PPP2R5C: variants seen among roughly 807,000 people sequenced by gnomAD.
The protein encoded by PPP2R5C is serine/threonine-protein phosphatase 2A 56 kDa regulatory subunit gamma isoform.
Under a neutral mutation model 68.9 loss-of-function variants are expected in PPP2R5C, and 7 were observed. The observed-to-expected ratio is 0.10, with a 90% CI of 0.06 to 0.19. PPP2R5C has a LOEUF of 0.19. Ranked by LOEUF, PPP2R5C falls within the 10% of genes least tolerant of loss-of-function variation. The probability of loss-of-function intolerance (pLI) is 1.00; values close to 1 mark genes in which losing one functional copy is unlikely to be tolerated. For synonymous variants in PPP2R5C, 210 were observed against 222.2 expected (o/e 0.95, Z 0.49); for missense variants, 348 against 641.3 (o/e 0.54, Z 4.94).
chr14:101,821,597 T>C (rs755051999), intron 1 of PPP2R5C, among the ~76,000 whole-genome samples: 17 of 152,164 alleles, frequency 1.1e-4, no homozygotes, highest in Non-Finnish European at 2.1e-4. Context: ...AAAAACCTTT[T>C]ATACGTTTTT....
chr14:101,891,464 CCT>C lies in PPP2R5C; in HGVS notation c.689+1173_689+1174del, dbSNP rs34247934. Among the ~76,000 whole-genome samples the C allele has an allele frequency of 0.26, 39,946 of 151,886 alleles. 6,816 individuals carry two copies. The highest frequency in any genetic ancestry group is 0.49 in the African/African-American group (20,173 of 41,330). ...AGTGCAGTGAGTGGTGAAGAGGATGCCTCTCTTACTAGATGTGTGACCATGGG... is the reference window on the plus strand; with the variant it reads ...AGTGCAGTGAGTGGTGAAGAGGATGCCTCTTACTAGATGTGTGACCATGGG... On this transcript the variant is annotated intron_variant, in intron 6 of 13. Transcript: ENST00000334743. This position sits in a 1 kb window ranked among gnomAD's most constrained non-coding sequence, Gnocchi z 4.9.
At chr14:101,876,940 C>CT (rs11318528) in intron 2 of PPP2R5C, among the ~76,000 whole-genome samples, 2,416 of 90,874 alleles carry the variant, frequency 0.027, 465 homozygotes, top group African/African-American at 0.033. Flanking sequence ...AGGATTTACG[C>CT]TTTTTTTTTT....
chr14:101,773,386 G>A (rs2037254258), intron 2 of PPP2R5C, among the ~76,000 whole-genome samples: 1 of 152,076 alleles, frequency 6.6e-6, no homozygotes. Flanking sequence ...GCTGCTTCAG[G>A]TGGTCAAGGA....
intron 2 of PPP2R5C, among the ~76,000 whole-genome samples, chr14:101,785,102 A>C (rs1418971471): frequency 6.6e-6 from 1 of 152,114 alleles, no homozygotes; most frequent in African/African-American, 2.4e-5. Flanking sequence ...CCTGGGAATG[A>C]GCACGCACAC....
At chr14:101,902,102 C>T (rs2045720775) in intron 9 of PPP2R5C, among the ~76,000 whole-genome samples, 1 of 152,206 alleles carries the variant, frequency 6.6e-6, no homozygotes, top group Non-Finnish European at 1.5e-5. Context: ...TACTTTTTCT[C>T]ACTAAGAGCA....
At chr14:101,883,041 C>A (rs1180779891) in intron 3 of PPP2R5C, 3 of 482,044 alleles carry the variant, frequency 6.2e-6, no homozygotes, top group African/African-American at 4.0e-5. Flanking sequence ...TGTTTAAATG[C>A]CGTTTAAGGG....
intron 13 of PPP2R5C, among the ~76,000 whole-genome samples, chr14:101,919,896 G>C (rs988327740): frequency 6.7e-6 from 1 of 148,742 alleles, no homozygotes; most frequent in Non-Finnish European, 1.5e-5. Context: ...TTGAACCTGG[G>C]AGGTGGAGGT....
In PPP2R5C at chr14:101,797,467, C is replaced by G. The variant is rs1237939514; in HGVS notation, c.259+11284C>G. 1 of 357,186 alleles carries G rather than the reference C, an allele frequency of 2.8e-6. No homozygotes were observed. 22.1% of individuals were successfully genotyped at this position (357,186 alleles called of 1,614,324 possible). ...GTCTCCTGAAGGAATGAAAAGCCCT[C>G]CTGGCCCCTCTGCCCTCTTTCTCCA... On this transcript the variant is annotated intron_variant, in intron 3 of 14. Coordinates refer to the PPP2R5C transcript ENST00000328724. This position sits in a 1 kb window ranked among gnomAD's most constrained non-coding sequence, Gnocchi z 4.2.
chr14:101,820,714 G>A (rs530707554), intron 1 of PPP2R5C: 3 of 152,074 alleles, frequency 2.0e-5, no homozygotes, highest in Admixed American at 6.5e-5. Flanking sequence ...GAAGCATGTC[G>A]GCAGATCCGC....
chr14:101,893,462 T>C (rs2045093291), intron 7 of PPP2R5C, among the ~76,000 whole-genome samples: 1 of 152,102 alleles, frequency 6.6e-6, no homozygotes, highest in Non-Finnish European at 1.5e-5. Context: ...GAATGGCCTA[T>C]GAAAACGTTT....
At chr14:101,912,658 ATATCGTTT>A in intron 12 of PPP2R5C, 185 bp downstream of exon 14, 1 of 1,240,436 alleles carries the variant, frequency 8.1e-7, no homozygotes, top group Non-Finnish European at 1.0e-6. Flanking sequence ...ATTTTGCCCC[ATATCGTTT>A]TACCACAGAA....
At chr14:101,817,163 G>A (rs1425405512) in intron 1 of PPP2R5C, among the ~76,000 whole-genome samples, 1 of 151,502 alleles carries the variant, frequency 6.6e-6, no homozygotes, top group Non-Finnish European at 1.5e-5. Context: ...TCACCATGTT[G>A]ACCAGGATTG....
chr14:101,837,214 GCTCAC>G (rs1430598977), intron 1 of PPP2R5C, among the ~76,000 whole-genome samples: 26 of 152,180 alleles, frequency 1.7e-4, no homozygotes, highest in African/African-American at 6.3e-4. Context: ...TGCGATCTCG[GCTCAC>G]CGCAACCTCC....
intron 3 of PPP2R5C, among the ~76,000 whole-genome samples, chr14:101,788,326 G>A (rs1253617875): frequency 6.6e-6 from 1 of 152,174 alleles, no homozygotes; most frequent in Non-Finnish European, 1.5e-5. Context: ...AAGATGTTAA[G>A]ATTATAATTG....
At chr14:101,924,684 G>T (rs956468824) in intron 13 of PPP2R5C, among the ~76,000 whole-genome samples, 1 of 151,766 alleles carries the variant, frequency 6.6e-6, no homozygotes, top group African/African-American at 2.4e-5. Flanking sequence ...CTCGTGATCC[G>T]TCCGCCTCGG....
upstream of PPP2R5C, among the ~76,000 whole-genome samples, chr14:101,807,055 G>A (rs1044089221): frequency 6.6e-6 from 1 of 152,126 alleles, no homozygotes; most frequent in Non-Finnish European, 1.5e-5. Context: ...TTTTTTGCTT[G>A]AGAATTGATT....
chr14:101,912,458 C>T (rs765987468), exon 12 of PPP2R5C: 18 of 1,601,248 alleles, frequency 1.1e-5, no homozygotes, highest in Non-Finnish European at 1.4e-5. Context: ...AAAATCTAGC[C>T]AAAGCCAATC....
chr14:101,908,975 C>T (rs78487170), intron 10 of PPP2R5C, among the ~76,000 whole-genome samples: 4,662 of 152,282 alleles, frequency 0.031, 145 homozygotes, highest in African/African-American at 0.077. Flanking sequence ...GGTCCTGCTG[C>T]GCAGGCTTTC....
At chr14:101,859,532 A>G (rs150562056) in intron 2 of PPP2R5C, among the ~76,000 whole-genome samples, 94 of 152,352 alleles carry the variant, frequency 6.2e-4, no homozygotes, top group African/African-American at 2.1e-3. Context: ...ATCTGGAGGT[A>G]GAATAGGGGA....
Sources: allele counts gnomAD v4.1 joint callset (sites outside exome capture counted in the v4.1 genomes callset), GRCh38; gene constraint gnomAD v4.1.1; non-coding constraint Gnocchi (gnomAD v3.1); transcripts MANE v1.5; gene names NCBI Gene and HGNC (gene_info 2026-07-23, HGNC 2026-07-21).